The following ZNF608 variants were observed in gnomAD, a reference collection of about 807,000 sequenced individuals.
ZNF608 encodes renal carcinoma antigen NY-REN-36.
Under a neutral mutation model 109.0 loss-of-function variants are expected in ZNF608, and 12 were observed. That is an observed-to-expected ratio of 0.11 (90% CI 0.07 to 0.18). ZNF608 has a LOEUF of 0.18. Among genes scored for constraint, ZNF608 ranks in the 10% least tolerant of loss-of-function variants. ZNF608 has a pLI of 1.00. For synonymous variants in ZNF608, 732 were observed against 717.4 expected (o/e 1.02, Z -0.33); for missense variants, 1,707 against 1,879.3 (o/e 0.91, Z 1.70).
rs140687938 is a variant in ZNF608 at position 124,678,644 on chromosome 5, G to A, written c.1162+22370C>T. Among the ~76,000 whole-genome samples, 1,132 of 152,284 alleles carry A rather than the reference G, an allele frequency of 7.4e-3. 6 individuals carry two copies. The highest frequency in any genetic ancestry group is 0.011 in the Non-Finnish European group (760 of 68,016). On this transcript the variant is annotated intron_variant, in intron 3 of 9. Transcript: ENST00000513986. Reference sequence around the variant, plus strand: ...TTTGAGTCTGGCTAGCATTTTCTGAGGGTGCGTGTTAGTTGATGTGTGTTT... The same window carrying A: ...TTTGAGTCTGGCTAGCATTTTCTGAAGGTGCGTGTTAGTTGATGTGTGTTT...
At chr5:124,734,047 A>G (rs1347488383) in intron 2 of ZNF608, among the ~76,000 whole-genome samples, 1 of 152,162 alleles carries the variant, frequency 6.6e-6, no homozygotes, top group African/African-American at 2.4e-5. Context: ...ATCCATTTAC[A>G]TGTGCAGTTC....
chr5:124,725,782 T>G (rs1754113456), intron 2 of ZNF608, among the ~76,000 whole-genome samples: 1 of 152,042 alleles, frequency 6.6e-6, no homozygotes, highest in Non-Finnish European at 1.5e-5. Context: ...GACCCATGGA[T>G]GCACCCTATT....
chr5:124,668,074 A>G (rs1751553398), intron 3 of ZNF608, among the ~76,000 whole-genome samples: 1 of 151,800 alleles, frequency 6.6e-6, no homozygotes, highest in Non-Finnish European at 1.5e-5. Context: ...AACAAAGGCC[A>G]GGCATGGTGG....
At chr5:124,642,692 C>CTTTTTTTT (rs755561532) in intron 7 of ZNF608, among the ~76,000 whole-genome samples, 51 of 95,290 alleles carry the variant, frequency 5.4e-4, no homozygotes, top group Non-Finnish European at 6.8e-4. Context: ...TTTCTATTGT[C>CTTTTTTTT]TTTTTTTTTT....
intron 5 of ZNF608, among the ~76,000 whole-genome samples, chr5:124,645,582 G>A (rs1750460361): frequency 6.6e-6 from 1 of 152,096 alleles, no homozygotes; most frequent in South Asian, 2.1e-4. Context: ...GGGTGGGAGT[G>A]GGGATGTGCA....
chr5:124,651,886 G>A (rs187472443), intron 3 of ZNF608, among the ~76,000 whole-genome samples: 1 of 152,364 alleles, frequency 6.6e-6, no homozygotes, highest in Non-Finnish European at 1.5e-5. Context: ...CTAGAGGGCC[G>A]CCTGCGCTGC....
chr5:124,727,273 A>G (rs1268250133), intron 2 of ZNF608, among the ~76,000 whole-genome samples: 1 of 152,244 alleles, frequency 6.6e-6, no homozygotes, highest in Non-Finnish European at 1.5e-5. Flanking sequence ...TCAAGGCTTC[A>G]GAGGAAATAA....
At chr5:124,686,596 T>C (rs895925504) in intron 3 of ZNF608, among the ~76,000 whole-genome samples, 4 of 152,232 alleles carry the variant, frequency 2.6e-5, no homozygotes, top group African/African-American at 9.6e-5. Flanking sequence ...TGGCTTTTTG[T>C]ATTCTGAAAA....
Position 124,641,425 on chromosome 5 carries a change from T to C in ZNF608, c.4297-20A>G. 1 of 1,594,362 alleles carries C rather than the reference T, an allele frequency of 6.3e-7. No individual in the cohort carries two copies. Among genetic ancestry groups the C allele is most frequent in the African/African-American group, 1.3e-5 (1 of 74,422 alleles). Reference sequence around the variant, plus strand: ...CACAGGCTGCAACAGAAAAGAGAAATTTTCCCCCTTCATGCTCTGAAAATC... The same window carrying C: ...CACAGGCTGCAACAGAAAAGAGAAACTTTCCCCCTTCATGCTCTGAAAATC... On this transcript the variant is annotated intron_variant, in intron 7 of 9. Transcript: ENST00000513986.
chr5:124,746,415 ATG>A lies in ZNF608; in HGVS notation c.-406_-405del. The A allele has an allele frequency of 1.0e-6, 1 of 985,454 alleles. No homozygotes were observed. The highest frequency in any genetic ancestry group is 1.2e-6 in the Non-Finnish European group (1 of 829,944). The allele number at this position is 985,454 out of a possible 1,614,324, so 61.0% of individuals were successfully genotyped here. A position where few individuals can be genotyped will look rare whatever the true frequency, so the allele number is the denominator to read the frequency against. On this transcript the variant is annotated 5_prime_UTR_variant, in exon 1 of 10. Transcript: ENST00000513986. ...ATCAGTCCTTTTCTCCTTAAAAAAA[ATG>A]TGTCACTGTACAGCTGGAAAATAAT...
intron 3 of ZNF608, among the ~76,000 whole-genome samples, chr5:124,667,282 A>C (rs2149809711): frequency 6.6e-6 from 1 of 152,328 alleles, no homozygotes; most frequent in African/African-American, 2.4e-5. Context: ...TCTTTTACAA[A>C]GCATTTATAC....
At chr5:124,676,789 T>C (rs1366082169) in intron 3 of ZNF608, among the ~76,000 whole-genome samples, 1 of 152,206 alleles carries the variant, frequency 6.6e-6, no homozygotes, top group African/African-American at 2.4e-5. Flanking sequence ...AAAAAGCAAG[T>C]TGGAAAAATA....
chr5:124,644,519 C>G lies in ZNF608; in HGVS notation c.3848G>C (p.Ser1283Thr), dbSNP rs765872793. The change falls in exon 6 of 10, where the codon AGC (serine) becomes ACC (threonine). Residue 1283 changes from serine to threonine, a missense_variant. Transcript: ENST00000513986. ...KTPNKESGVPSLPVSLTSIKE... is the reference protein window; with the variant it reads ...KTPNKESGVPTLPVSLTSIKE... ...AATGCTTGTTAACGATACAGGAAGGCTGGGCACACCACTCTCTTTATTAGG... is the reference window on the plus strand; with the variant it reads ...AATGCTTGTTAACGATACAGGAAGGGTGGGCACACCACTCTCTTTATTAGG... 4.3e-6 allele frequency: 7 copies of G among 1,614,032 alleles called. No individual in the cohort carries two copies. The highest frequency in any genetic ancestry group is 5.9e-6 in the Non-Finnish European group (7 of 1,180,038).
intron 2 of ZNF608, among the ~76,000 whole-genome samples, chr5:124,721,083 C>G (rs1753883855): frequency 6.6e-6 from 1 of 152,036 alleles, no homozygotes; most frequent in Non-Finnish European, 1.5e-5. Flanking sequence ...GAGCATGACC[C>G]TTCTGAATAA....
chr5:124,743,099 C>T (rs2149907036), intron 2 of ZNF608, among the ~76,000 whole-genome samples: 1 of 152,300 alleles, frequency 6.6e-6, no homozygotes, highest in Non-Finnish European at 1.5e-5. Flanking sequence ...AGCAGCAAAA[C>T]ATGGTGTGGG....
chr5:124,644,704 T>C (rs1750420221), intron 5 of ZNF608, 43 bp from the exon 6 acceptor site: 1 of 1,499,334 alleles, frequency 6.7e-7, no homozygotes, highest in South Asian at 1.4e-5. Context: ...ACAGATTTGT[T>C]TTAAAATTTC....
chr5:124,727,628 G>C (rs1243586632), intron 2 of ZNF608, among the ~76,000 whole-genome samples: 1 of 90,100 alleles, frequency 1.1e-5, no homozygotes, highest in Admixed American at 1.5e-4. Flanking sequence ...AGTTATAAAA[G>C]TCCCTTAAAA....
At chr5:124,730,115 T>C (rs1340711675) in intron 2 of ZNF608, among the ~76,000 whole-genome samples, 22 of 152,244 alleles carry the variant, frequency 1.4e-4, no homozygotes. Flanking sequence ...ACCTATTTTT[T>C]CACCACCATT....
At chr5:124,692,151 G>A in intron 3 of ZNF608, among the ~76,000 whole-genome samples, 1 of 152,234 alleles carries the variant, frequency 6.6e-6, no homozygotes, top group East Asian at 1.9e-4. Flanking sequence ...CAATAACAAG[G>A]TTGGAAGCTG....
Sources: allele counts gnomAD v4.1 joint callset (sites outside exome capture counted in the v4.1 genomes callset), GRCh38; gene constraint gnomAD v4.1.1; transcripts MANE v1.5; gene names NCBI Gene and HGNC (gene_info 2026-07-23, HGNC 2026-07-21).